Variants in TBC1D32 observed in about 807,000 individuals in gnomAD.
TBC1D32 encodes protein broad-minded.
A neutral mutation model predicts 170.3 loss-of-function variants in TBC1D32; 151 were observed. That is an observed-to-expected ratio of 0.89 (90% CI 0.78 to 1.01). The LOEUF is 1.01. TBC1D32 is among the 50% of genes least tolerant of loss of function. TBC1D32 has a pLI of 0.00. For synonymous variants in TBC1D32, 498 were observed against 488.0 expected (o/e 1.02, Z -0.27); for missense variants, 1,464 against 1,457.1 (o/e 1.00, Z -0.08).
intron 26 of TBC1D32, among the ~76,000 whole-genome samples, chr6:121,118,350 C>G (rs1304044709): frequency 1.3e-5 from 2 of 152,118 alleles, no homozygotes; most frequent in African/African-American, 4.8e-5. Flanking sequence ...TACCCACTTA[C>G]TAACAATGCT....
chr6:121,324,375 T>C (rs1180235460), intron 1 of TBC1D32, among the ~76,000 whole-genome samples: 1 of 152,188 alleles, frequency 6.6e-6, no homozygotes, highest in African/African-American at 2.4e-5. Flanking sequence ...TGAATTTTCT[T>C]TAAAATGTTC....
At chr6:121,217,362 T>A (rs1464938436) in intron 21 of TBC1D32, among the ~76,000 whole-genome samples, 1 of 152,248 alleles carries the variant, frequency 6.6e-6, no homozygotes, top group East Asian at 1.9e-4. Flanking sequence ...TGTGTCATAA[T>A]CTTATCCAGA....
rs1044671276 is a variant in TBC1D32 at position 121,232,306 on chromosome 6, G to A, written c.2364+6764C>T. The stretch of plus-strand genomic sequence containing the variant: ...GTGCCTATTTTTATACCAGTACCAC[G>A]TCATTCTGTTAACTGTAGCCTTGTA... On this transcript the variant is annotated intron_variant, in intron 20 of 31. Transcript: ENST00000398212. Among the ~76,000 whole-genome samples, 8 of 152,018 alleles carry A rather than the reference G, an allele frequency of 5.3e-5. No individual in the cohort carries two copies. In the East Asian group the frequency reaches 5.8e-4, roughly 11 times the overall value.
chr6:121,279,374 T>C, intron 14 of TBC1D32, 129 bp from the exon 15 acceptor site: 1 of 1,105,092 alleles, frequency 9.0e-7, no homozygotes, highest in Non-Finnish European at 1.3e-6. Context: ...GCTTAATGAT[T>C]TGTTTGGCTG....
chr6:121,132,435 A>G (rs191099188), intron 24 of TBC1D32, among the ~76,000 whole-genome samples: 9 of 152,084 alleles, frequency 5.9e-5, no homozygotes, highest in Non-Finnish European at 1.2e-4. Context: ...TACTTTGCAA[A>G]CCTTATTAAA....
At chr6:121,331,726 T>C (rs937516671) in intron 1 of TBC1D32, among the ~76,000 whole-genome samples, 6 of 152,184 alleles carry the variant, frequency 3.9e-5, no homozygotes, top group African/African-American at 9.7e-5. Flanking sequence ...AATGGAAATA[T>C]GAGCACCTGA....
At chr6:121,274,435 T>C (rs1475094695) in intron 15 of TBC1D32, among the ~76,000 whole-genome samples, 4 of 145,276 alleles carry the variant, frequency 2.8e-5, no homozygotes, top group African/African-American at 1.0e-4. Flanking sequence ...CAGAAAAAAA[T>C]TCCCAGAAAA....
intron 21 of TBC1D32, among the ~76,000 whole-genome samples, chr6:121,218,310 A>T (rs1794082691): frequency 6.6e-6 from 1 of 152,230 alleles, no homozygotes; most frequent in Admixed American, 6.5e-5. Context: ...AATATTCCAA[A>T]GTGGTAAATT....
intron 17 of TBC1D32, among the ~76,000 whole-genome samples, chr6:121,253,493 C>T (rs966274389): frequency 6.6e-6 from 1 of 152,068 alleles, no homozygotes; most frequent in East Asian, 1.9e-4. Flanking sequence ...CCGAGGCGGG[C>T]GGATCACGAG....
At chr6:121,319,683 A>T (rs1007681187) in intron 2 of TBC1D32, among the ~76,000 whole-genome samples, 4 of 152,190 alleles carry the variant, frequency 2.6e-5, no homozygotes, top group African/African-American at 7.2e-5. Context: ...TTTGAACATG[A>T]ATGTTTCCAA....
chr6:121,197,186 T>C (rs1790847769), intron 22 of TBC1D32, among the ~76,000 whole-genome samples: 2 of 152,164 alleles, frequency 1.3e-5, no homozygotes, highest in Non-Finnish European at 2.9e-5. Flanking sequence ...AGGAAGAGTA[T>C]GTACGGAATA....
At chr6:121,238,808 T>A (rs1331947873) in intron 20 of TBC1D32, among the ~76,000 whole-genome samples, 2 of 152,064 alleles carry the variant, frequency 1.3e-5, no homozygotes, top group African/African-American at 4.8e-5. Flanking sequence ...TTATTACTCT[T>A]CATTAAGGGA....
intron 1 of TBC1D32, among the ~76,000 whole-genome samples, chr6:121,323,809 A>C (rs1810090380): frequency 6.6e-6 from 1 of 152,114 alleles, no homozygotes; most frequent in East Asian, 1.9e-4. Context: ...GCGTGGTGGC[A>C]TGTGGCTGTA....
At chr6:121,275,424 G>C (rs1408272669) in intron 15 of TBC1D32, among the ~76,000 whole-genome samples, 1 of 152,132 alleles carries the variant, frequency 6.6e-6, no homozygotes, top group Non-Finnish European at 1.5e-5. Context: ...AAATGATATG[G>C]AAAGGAACAT....
At chr6:121,228,316 T>C (rs1795313852) in intron 20 of TBC1D32, among the ~76,000 whole-genome samples, 1 of 152,136 alleles carries the variant, frequency 6.6e-6, no homozygotes, top group Non-Finnish European at 1.5e-5. Flanking sequence ...GTTTTGGCTG[T>C]AATTTGCTCT....
At chr6:121,245,889 C>T (rs1220641656) in intron 17 of TBC1D32, among the ~76,000 whole-genome samples, 1 of 152,078 alleles carries the variant, frequency 6.6e-6, no homozygotes, top group African/African-American at 2.4e-5. Flanking sequence ...GGATAGATTT[C>T]CTGCTGGCCT....
chr6:121,134,409 GA>G (rs1400669871), intron 24 of TBC1D32, among the ~76,000 whole-genome samples: 1 of 151,858 alleles, frequency 6.6e-6, no homozygotes, highest in East Asian at 1.9e-4. Context: ...TCATTCTAAG[GA>G]AAAGAACACA....
At chr6:121,151,321 T>C (rs550861349) in intron 24 of TBC1D32, among the ~76,000 whole-genome samples, 2 of 152,188 alleles carry the variant, frequency 1.3e-5, no homozygotes, top group Non-Finnish European at 2.9e-5. Flanking sequence ...TTGAGTGAAT[T>C]TCTTAATCCT....
At chr6:121,085,125 A>G (rs1776045602) in intron 31 of TBC1D32, among the ~76,000 whole-genome samples, 1 of 150,958 alleles carries the variant, frequency 6.6e-6, no homozygotes, top group Non-Finnish European at 1.5e-5. Flanking sequence ...AGCTCTTGAG[A>G]GAAGGAGGAT....
Sources: allele counts gnomAD v4.1 joint callset (sites outside exome capture counted in the v4.1 genomes callset), GRCh38; gene constraint gnomAD v4.1.1; transcripts MANE v1.5; gene names NCBI Gene and HGNC (gene_info 2026-07-23, HGNC 2026-07-21).